The following PDE7A variants were observed in gnomAD, a reference collection of about 807,000 sequenced individuals.
The protein encoded by PDE7A is high affinity 3',5'-cyclic-AMP phosphodiesterase 7A.
A neutral mutation model predicts 64.3 loss-of-function variants in PDE7A; 39 were observed. The ratio of observed to expected loss-of-function variants is 0.61; its 90% CI spans 0.47 to 0.79. The LOEUF (loss-of-function observed/expected upper bound fraction) is 0.79, where lower values mean the gene tolerates loss of function less well. Ranked by LOEUF, PDE7A falls within the 30% of genes least tolerant of loss-of-function variation. PDE7A has a pLI of 0.00. For synonymous variants in PDE7A, 203 were observed against 206.8 expected (o/e 0.98, Z 0.16); for missense variants, 470 against 582.8 (o/e 0.81, Z 1.99).
Position 65,730,171 on chromosome 8 carries a change from C to CTTCTTTTTTTTTTTTTTT in PDE7A, c.697-2871_697-2870insAAAAAAAAAAAAAAAGAA, listed in dbSNP as rs1295965698. 4.7e-4 allele frequency among the ~76,000 whole-genome samples: 41 copies of CTTCTTTTTTTTTTTTTTT among 86,446 alleles called. 6 individuals carry two copies. Among genetic ancestry groups the CTTCTTTTTTTTTTTTTTT allele is most frequent in the Middle Eastern group, 8.1e-3 (1 of 124 alleles). The allele number at this position is 86,446 out of a possible 152,430, so 56.7% of individuals were successfully genotyped here. A position where few individuals can be genotyped will look rare whatever the true frequency, so the allele number is the denominator to read the frequency against. ...TGTGAGGGATCCAGGTTGCGCACTT[C>CTTCTTTTTTTTTTTTTTT]TTTTTTTTTTTTTTTTTTTTTTTTT... On this transcript the variant is annotated intron_variant, in intron 7 of 12. Transcript: ENST00000401827.
chr8:65,840,352 C>T (rs918768491), intron 1 of PDE7A, among the ~76,000 whole-genome samples: 4 of 151,844 alleles, frequency 2.6e-5, no homozygotes, highest in Admixed American at 2.6e-4. Flanking sequence ...ATTTACTAGA[C>T]ACTTATTACA....
chr8:65,741,700 A>T (rs1470712575), intron 5 of PDE7A, among the ~76,000 whole-genome samples: 1 of 152,260 alleles, frequency 6.6e-6, no homozygotes, highest in African/African-American at 2.4e-5. Flanking sequence ...GAAGTGAACA[A>T]CGTGTCTGTT....
intron 12 of PDE7A, chr8:65,722,701 T>TTATGCTTTCTA (rs1276910586): frequency 6.6e-6 from 1 of 152,238 alleles, no homozygotes; most frequent in Non-Finnish European, 1.5e-5. Context: ...GACATTTTCA[T>TTATGCTTTCTA]TATGCTTTCT....
At chr8:65,721,729 C>T (rs1162447391) in intron 12 of PDE7A, 1 of 151,272 alleles carries the variant, frequency 6.6e-6, no homozygotes, top group African/African-American at 2.4e-5. Flanking sequence ...GATAAAAAGA[C>T]ATTTAATATT....
At chr8:65,720,952 A>G (rs548666381) in intron 12 of PDE7A, among the ~76,000 whole-genome samples, 33 of 152,158 alleles carry the variant, frequency 2.2e-4, no homozygotes, top group African/African-American at 7.7e-4. Flanking sequence ...CATTCATCTT[A>G]TTTCATCCCT....
At chr8:65,757,872 C>T (rs1180838147) in intron 3 of PDE7A, among the ~76,000 whole-genome samples, 2 of 152,190 alleles carry the variant, frequency 1.3e-5, no homozygotes, top group African/African-American at 4.8e-5. Context: ...CCGCCTTGGC[C>T]TCCCAAAGTG....
At chr8:65,723,463 A>T in intron 12 of PDE7A, 78 bp downstream of exon 12, 2 of 1,241,398 alleles carry the variant, frequency 1.6e-6, no homozygotes, top group Non-Finnish European at 2.1e-6. Context: ...TTAATATTTT[A>T]TATTTCAAAT....
intron 3 of PDE7A, among the ~76,000 whole-genome samples, chr8:65,751,012 G>C (rs752838661): frequency 2.0e-5 from 3 of 152,152 alleles, no homozygotes; most frequent in Non-Finnish European, 2.9e-5. Context: ...TTCACTTAAT[G>C]ATATAGGACC....
chr8:65,834,325 AAGAC>A (rs1810902389), intron 1 of PDE7A, among the ~76,000 whole-genome samples: 1 of 152,180 alleles, frequency 6.6e-6, no homozygotes, highest in Admixed American at 6.5e-5. Context: ...GCTTTATTGT[AAGAC>A]AGAATATAAT....
At chr8:65,744,100 G>A (rs533944569) in intron 5 of PDE7A, among the ~76,000 whole-genome samples, 10 of 152,156 alleles carry the variant, frequency 6.6e-5, no homozygotes, top group African/African-American at 1.9e-4. Flanking sequence ...GCCAAAGTGC[G>A]GGGATTACAG....
chr8:65,785,460 T>C (rs941259459), intron 1 of PDE7A, among the ~76,000 whole-genome samples: 4 of 152,170 alleles, frequency 2.6e-5, no homozygotes, highest in Non-Finnish European at 5.9e-5. Flanking sequence ...CTTCCACTAA[T>C]AGAATATCCT....
intron 3 of PDE7A, among the ~76,000 whole-genome samples, chr8:65,765,083 A>C (rs577526577): frequency 6.6e-6 from 1 of 152,346 alleles, no homozygotes; most frequent in South Asian, 2.1e-4. Context: ...AAGATGAATA[A>C]AACTAAAAGC....
At chr8:65,841,078 A>C (rs1197226588) in intron 1 of PDE7A, among the ~76,000 whole-genome samples, 1 of 152,174 alleles carries the variant, frequency 6.6e-6, no homozygotes, top group Non-Finnish European at 1.5e-5. Flanking sequence ...GAAAAAGACA[A>C]GGGCGGTCAT....
Position 65,724,286 on chromosome 8 carries a change from A to G in PDE7A, c.1131T>C (p.Ser377=). ...CRTWELSKQW[S]EKVTEEFFHQ... is the part of the protein sequence containing the mutation. ...GGAAGAATTCCTCCGTTACTTTTTC[A>G]CTCCACTGCTTGCTTAATTCCCACG... is the stretch of plus-strand genomic sequence containing the variant. Residue 377 remains serine (S), a synonymous_variant, in exon 11 of 13, where the codon AGT becomes AGC. Coordinates refer to ENST00000401827, the MANE Select transcript of PDE7A (RefSeq NM_001242318.3). 1.9e-6 allele frequency: 3 copies of G among 1,612,156 alleles called. No individual in the cohort carries two copies. The highest frequency in any genetic ancestry group is 2.5e-6 in the Non-Finnish European group (3 of 1,178,610).
chr8:65,808,625 T>G (rs1230261103), intron 1 of PDE7A, among the ~76,000 whole-genome samples: 1 of 152,338 alleles, frequency 6.6e-6, no homozygotes, highest in South Asian at 2.1e-4. Flanking sequence ...CTTATTATTT[T>G]TGCATGTTCT....
intron 6 of PDE7A, 75 bp from the exon 7 acceptor site, chr8:65,734,969 GAGTT>G: frequency 1.1e-6 from 1 of 928,100 alleles, no homozygotes; most frequent in Non-Finnish European, 1.8e-6. Context: ...TGATAATTAT[GAGTT>G]ACCCACTCAT....
At chr8:65,815,491 C>T (rs917659666) in intron 1 of PDE7A, among the ~76,000 whole-genome samples, 2 of 152,092 alleles carry the variant, frequency 1.3e-5, no homozygotes, top group Admixed American at 6.5e-5. Flanking sequence ...AACTAACTCC[C>T]AGTCATGACA....
chr8:65,771,921 G>C (rs1809106452), intron 3 of PDE7A, among the ~76,000 whole-genome samples: 1 of 140,338 alleles, frequency 7.1e-6, no homozygotes, highest in East Asian at 2.0e-4. Flanking sequence ...GAAGAAGAAA[G>C]AAGGAAATAT....
At chr8:65,733,449 T>G (rs1056435942) in intron 7 of PDE7A, among the ~76,000 whole-genome samples, 1 of 152,172 alleles carries the variant, frequency 6.6e-6, no homozygotes, top group Admixed American at 6.5e-5. Context: ...CCCAGAGATT[T>G]TTTTGAAGTT....
Sources: gnomAD v4.1 joint callset for allele counts (sites outside exome capture counted in the v4.1 genomes callset) on GRCh38, gnomAD v4.1.1 for gene constraint, MANE v1.5 for transcripts, NCBI Gene and HGNC (gene_info 2026-07-23, HGNC 2026-07-21) for gene names.